The following UBR3 variants were observed in gnomAD, a reference collection of about 807,000 sequenced individuals.
UBR3 encodes the protein E3 ubiquitin-protein ligase UBR3.
Under a neutral mutation model 243.2 loss-of-function variants are expected in UBR3, and 85 were observed. That is an observed-to-expected ratio of 0.35 (90% CI 0.29 to 0.42). The LOEUF (loss-of-function observed/expected upper bound fraction) is 0.42. UBR3 is among the 10% of genes least tolerant of loss of function. UBR3 has a pLI of 1.00. For synonymous variants in UBR3, 748 were observed against 799.8 expected (o/e 0.94, Z 1.09); for missense variants, 1,686 against 2,300.8 (o/e 0.73, Z 5.47).
At chr2:169,831,234 G>A (rs1573993727) in intron 1 of UBR3, among the ~76,000 whole-genome samples, 2 of 142,246 alleles carry the variant, frequency 1.4e-5, no homozygotes, top group African/African-American at 2.6e-5. Context: ...TCTGCCTCCC[G>A]GGTTCAAGTG....
intron 19 of UBR3, among the ~76,000 whole-genome samples, chr2:169,934,718 C>G (rs2086259253): frequency 6.6e-6 from 1 of 152,200 alleles, no homozygotes; most frequent in African/African-American, 2.4e-5. Flanking sequence ...CAATTTAGCT[C>G]TGTGCCAGGC....
chr2:169,917,868 A>C (rs1163880619), intron 11 of UBR3, among the ~76,000 whole-genome samples: 1 of 151,898 alleles, frequency 6.6e-6, no homozygotes. Context: ...ACACCCAGCT[A>C]ATTTTTGTAT....
At chr2:169,920,635 A>G (rs2085661772) in intron 11 of UBR3, among the ~76,000 whole-genome samples, 9 of 151,978 alleles carry the variant, frequency 5.9e-5, no homozygotes. Context: ...TGCTTTGCCT[A>G]TGTGGTGAAA....
chr2:169,891,135 G>A (rs1460863221), intron 5 of UBR3, 30 bp from the exon 6 acceptor site: 3 of 1,497,748 alleles, frequency 2.0e-6, no homozygotes, highest in East Asian at 2.5e-5. Flanking sequence ...GAATGTGACT[G>A]TGTATAATGC....
intron 5 of UBR3, 36 bp from the exon 6 acceptor site, chr2:169,891,129 G>A (rs542988353): frequency 1.4e-6 from 2 of 1,471,848 alleles, no homozygotes; most frequent in African/African-American, 2.8e-5. Context: ...ATTTATGAAT[G>A]TGACTGTGTA....
At chr2:170,054,064 G>A (rs190115815) in intron 32 of UBR3, among the ~76,000 whole-genome samples, 2 of 152,248 alleles carry the variant, frequency 1.3e-5, no homozygotes, top group Admixed American at 6.5e-5. Context: ...CCTAATATGT[G>A]CCAGAAGCTA....
In UBR3 at chr2:170,035,914, G is replaced by GGGC. The variant is rs1208695290; in HGVS notation, c.4557-4966_4557-4965insCGG. ...ATTTATACCTAAGTATTTTATTGGG[G>GGGC]GGGGGGTTGCTAATTTAAATGATGC... On this transcript the variant is annotated intron_variant, in intron 31 of 38. Coordinates refer to ENST00000272793, the MANE Select transcript of UBR3 (RefSeq NM_172070.4). Among the ~76,000 whole-genome samples, 558 of 137,736 alleles carry GGGC rather than the reference G, an allele frequency of 4.1e-3. 45 individuals are homozygous for GGGC. In the East Asian group the frequency reaches 0.094, roughly 23 times the overall value. 90.4% of individuals were successfully genotyped at this position (137,736 alleles called of 152,430 possible). A position where few individuals can be genotyped will look rare whatever the true frequency, so the allele number is the denominator to read the frequency against.
Position 169,895,172 on chromosome 2 carries a change from C to A in UBR3, c.1106-9C>A. The A allele has an allele frequency of 6.7e-7, 1 of 1,493,942 alleles. No individual in the cohort carries two copies. The highest frequency in any genetic ancestry group is 1.3e-5 in the South Asian group (1 of 74,208). 92.5% of individuals were successfully genotyped at this position (1,493,942 alleles called of 1,614,324 possible). ...TCATTAACTGATAAATTTCATTTTT[C>A]ATGTGCAGATCAATCCATAATGGAT... is the stretch of plus-strand genomic sequence containing the variant. On this transcript the variant is annotated splice_polypyrimidine_tract_variant and intron_variant, in intron 6 of 38. Transcript: ENST00000272793.
intron 28 of UBR3, among the ~76,000 whole-genome samples, chr2:170,007,515 T>G (rs920999643): frequency 3.3e-5 from 5 of 152,048 alleles, no homozygotes; most frequent in Admixed American, 3.3e-4. Flanking sequence ...CCCAGCACTT[T>G]GGGAGGCTGA....
intron 24 of UBR3, among the ~76,000 whole-genome samples, chr2:169,982,110 T>C (rs1407491804): frequency 1.3e-5 from 2 of 152,190 alleles, no homozygotes; most frequent in Non-Finnish European, 1.5e-5. Context: ...GTTAAAAAAT[T>C]TAAAATTTTC....
At chr2:170,024,573 G>C (rs760062626) in intron 30 of UBR3, among the ~76,000 whole-genome samples, 1 of 151,746 alleles carries the variant, frequency 6.6e-6, no homozygotes, top group Non-Finnish European at 1.5e-5. Context: ...ACACATACAT[G>C]TGAAACTCAT....
At position 170,055,521 on chromosome 2, in the gene UBR3, A is replaced by C. The variant is rs2091314049; in HGVS notation, c.4722A>C (p.Ala1574=). ...TACTGTACACACAGGCTCTTGCAGCACTCTCAGTTAAATGCAGCGAAGAAG... is the reference window on the plus strand; with the variant it reads ...TACTGTACACACAGGCTCTTGCAGCCCTCTCAGTTAAATGCAGCGAAGAAG... The part of the protein sequence containing the change: ...FTLLYTQALA[A]LSVKCSEEDR... Residue 1574 remains alanine, a synonymous_variant, in exon 33 of 39, where the codon GCA becomes GCC. Coordinates refer to ENST00000272793, the MANE Select transcript of UBR3 (RefSeq NM_172070.4). 6.2e-7 allele frequency: 1 copy of C among 1,613,698 alleles called. No homozygotes were observed. Among genetic ancestry groups the C allele is most frequent in the Admixed American group, 1.7e-5 (1 of 59,984 alleles).
Position 169,925,733 on chromosome 2 carries a change from A to G in UBR3, c.2137A>G (p.Ile713Val). The G allele has an allele frequency of 6.5e-7, 1 of 1,548,040 alleles. No individual in the cohort carries two copies. Reference sequence around the variant, plus strand: ...CTGTAATTCCATGATTGATCCTGACATTTACCTGTTACAGGTAAGCCAGCT... The same window carrying G: ...CTGTAATTCCATGATTGATCCTGACGTTTACCTGTTACAGGTAAGCCAGCT... The part of the protein sequence containing the change: ...HFCNSMIDPD[I>V]YLLQVCASRL... The change falls in exon 14 of 39, where the codon ATT (isoleucine) becomes GTT (valine). Residue 713 changes from isoleucine to valine, a missense_variant. By Grantham distance (29) the Ile-to-Val change is conservative (BLOSUM62 3). This residue lies in a region of UBR3 where 346 missense variants were observed against 585.8 expected (regional missense o/e 0.59). Coordinates refer to ENST00000272793, the MANE Select transcript of UBR3 (RefSeq NM_172070.4).
At position 169,881,670 on chromosome 2, in the gene UBR3, TTA is replaced by T. The variant is rs371247984; in HGVS notation, c.1038+3109_1038+3110del. ...TCTCAGGCTAGAGTGCAGTGATACTTTATATATATATATACACATATATACAT... is the reference window on the plus strand; with the variant it reads ...TCTCAGGCTAGAGTGCAGTGATACTTTATATATATATACACATATATACAT... On this transcript the variant is annotated intron_variant, in intron 5 of 38. Coordinates refer to ENST00000272793, the MANE Select transcript of UBR3 (RefSeq NM_172070.4). Among the ~76,000 whole-genome samples the T allele has an allele frequency of 5.3e-5, 7 of 133,230 alleles. No homozygotes were observed. In the South Asian group the frequency reaches 1.3e-3, roughly 25 times the overall value. The allele number at this position is 133,230 out of a possible 152,430, so 87.4% of individuals were successfully genotyped here.
intron 5 of UBR3, among the ~76,000 whole-genome samples, chr2:169,881,832 T>G (rs114416524): frequency 0.24 from 32,510 of 135,364 alleles, 4,109 homozygotes; most frequent in South Asian, 0.4. Context: ...TATATATGTA[T>G]GTATACATGT....
chr2:170,056,737 C>T lies in UBR3; in HGVS notation c.4785+1153C>T, dbSNP rs116702368. On this transcript the variant is annotated intron_variant, in intron 33 of 38. Transcript: ENST00000272793. ...TGAAATGTATTCAATATAACCTTCA[C>T]TGTTATCATCAGTTTACTCTCATAT... Among the ~76,000 whole-genome samples, 393 of 152,228 alleles carry T rather than the reference C, an allele frequency of 2.6e-3. 2 individuals carry two copies. The highest frequency in any genetic ancestry group is 4.0e-3 in the Non-Finnish European group (270 of 68,010).
intron 19 of UBR3, among the ~76,000 whole-genome samples, chr2:169,937,962 ACT>A (rs747941222): frequency 6.6e-5 from 10 of 151,940 alleles, no homozygotes; most frequent in Non-Finnish European, 1.3e-4. Context: ...AGGCCTAGGG[ACT>A]CTGAGTCAAA....
Position 170,081,865 on chromosome 2 carries a change from C to A in UBR3, c.*22C>A. The A allele has an allele frequency of 1.4e-6, 2 of 1,430,230 alleles. No individual in the cohort carries two copies. The highest frequency in any genetic ancestry group is 1.4e-5 in the South Asian group (1 of 72,070). The allele number at this position is 1,430,230 out of a possible 1,614,324, so 88.6% of individuals were successfully genotyped here. On this transcript the variant is annotated 3_prime_UTR_variant, in exon 39 of 39. Coordinates refer to ENST00000272793, the MANE Select transcript of UBR3 (RefSeq NM_172070.4). The stretch of plus-strand genomic sequence containing the variant: ...GTGACTCTCCACCTCAGCATTGCAT[C>A]GTATCATCATTTTCGCTACGAATTT...
chr2:169,883,277 G>A (rs751705799), intron 5 of UBR3, among the ~76,000 whole-genome samples: 20 of 152,136 alleles, frequency 1.3e-4, no homozygotes, highest in Non-Finnish European at 2.4e-4. Context: ...CGAGAACTCA[G>A]CTGGTTGTTG....
Sources: gnomAD v4.1 joint callset for allele counts (sites outside exome capture counted in the v4.1 genomes callset) on GRCh38, gnomAD v4.1.1 for gene constraint, gnomAD v4.1.1 regional missense constraint, MANE v1.5 for transcripts, NCBI Gene and HGNC (gene_info 2026-07-23, HGNC 2026-07-21) for gene names.